The following ASCC3 variants were observed in gnomAD, a reference collection of about 807,000 sequenced individuals.
The protein encoded by ASCC3 is activating signal cointegrator 1 complex subunit 3, also known as ASC-1 complex subunit P200.
A neutral mutation model predicts 256.3 loss-of-function variants in ASCC3; 158 were observed. The observed-to-expected ratio is 0.62, with a 90% confidence interval of 0.54 to 0.70. ASCC3 has a LOEUF of 0.70. ASCC3 is among the 30% of genes least tolerant of loss of function. The probability of loss-of-function intolerance (pLI) is 0.00; values close to 1 mark genes in which losing one functional copy is unlikely to be tolerated. For missense variants in ASCC3, 2,259 were observed against 2,626.0 expected (o/e 0.86, Z 3.05); for synonymous variants, 948 against 883.4 (o/e 1.07, Z -1.30).
chr6:100,764,541 A>T (rs1432038211), intron 10 of ASCC3, among the ~76,000 whole-genome samples: 2 of 152,230 alleles, frequency 1.3e-5, no homozygotes, highest in Non-Finnish European at 2.9e-5. Flanking sequence ...AAAGAATCTG[A>T]TGTCATATAT....
chr6:100,780,714 A>T (rs1351866275), intron 8 of ASCC3, among the ~76,000 whole-genome samples: 3 of 152,256 alleles, frequency 2.0e-5, no homozygotes, highest in Non-Finnish European at 2.9e-5. Context: ...GCATAAAAAC[A>T]AGGAAACAAG....
chr6:100,763,887 A>G (rs983061792), intron 10 of ASCC3, among the ~76,000 whole-genome samples: 2 of 152,172 alleles, frequency 1.3e-5, no homozygotes, highest in Non-Finnish European at 1.5e-5. Context: ...CAGGCAAAAT[A>G]CCTGTGTCTG....
At chr6:100,872,110 T>C (rs568223407) in intron 1 of ASCC3, among the ~76,000 whole-genome samples, 2 of 152,260 alleles carry the variant, frequency 1.3e-5, no homozygotes, top group South Asian at 4.1e-4. Context: ...AACCTACCTT[T>C]TACCACACAA....
At chr6:100,675,448 T>A (rs900624516) in intron 14 of ASCC3, among the ~76,000 whole-genome samples, 2 of 152,120 alleles carry the variant, frequency 1.3e-5, no homozygotes, top group African/African-American at 4.8e-5. Flanking sequence ...AAGCTGCTCA[T>A]GCAAAATTAA....
chr6:100,758,190 C>T (rs943033465), intron 10 of ASCC3, among the ~76,000 whole-genome samples: 1 of 152,156 alleles, frequency 6.6e-6, no homozygotes, highest in Non-Finnish European at 1.5e-5. Flanking sequence ...ATAGCAGATG[C>T]TAACTCTGAG....
intron 8 of ASCC3, among the ~76,000 whole-genome samples, chr6:100,769,643 C>CA (rs1781829824): frequency 6.6e-6 from 1 of 150,928 alleles, no homozygotes; most frequent in African/African-American, 2.4e-5. Flanking sequence ...ATCAATGAAA[C>CA]AAAAAACAGA....
intron 36 of ASCC3, among the ~76,000 whole-genome samples, chr6:100,576,809 A>AT (rs1182110802): frequency 6.6e-6 from 1 of 151,966 alleles, no homozygotes; most frequent in Non-Finnish European, 1.5e-5. Context: ...TTTTACTATC[A>AT]TTTAAGGATG....
chr6:100,549,032 C>T (rs930020889), intron 36 of ASCC3, among the ~76,000 whole-genome samples: 41 of 151,792 alleles, frequency 2.7e-4, no homozygotes, highest in African/African-American at 9.9e-4. Flanking sequence ...TGTCCTCTTT[C>T]TCTCTCAAAA....
At chr6:100,829,707 C>G (rs1399236140) in intron 4 of ASCC3, among the ~76,000 whole-genome samples, 1 of 152,162 alleles carries the variant, frequency 6.6e-6, no homozygotes, top group African/African-American at 2.4e-5. Flanking sequence ...GAGGAGGTGC[C>G]AAGAGCGAGC....
chr6:100,716,640 T>G (rs995641184), intron 12 of ASCC3, among the ~76,000 whole-genome samples: 1 of 151,972 alleles, frequency 6.6e-6, no homozygotes, highest in Admixed American at 6.6e-5. Flanking sequence ...TCCCAATAAC[T>G]TTTTCAGTGT....
intron 41 of ASCC3, 89 bp from the exon 42 acceptor site, chr6:100,509,622 T>C (rs928758744): frequency 6.9e-6 from 9 of 1,298,610 alleles, no homozygotes; most frequent in South Asian, 1.2e-5. Flanking sequence ...AGTAGGAGGC[T>C]GGGTGCGGTG....
rs1016612665 is a variant in ASCC3 at position 100,512,937 on chromosome 6, G to A, written c.6076-19C>T. On this transcript the variant is annotated intron_variant, in intron 39 of 41. Transcript: ENST00000369162. ...TCCATGCCTAAATAAAAAGAGAAAA[G>A]AAACAATAAAGGAGGAGTTTATGTG... 2.5e-6 allele frequency: 4 copies of A among 1,604,864 alleles called. No individual in the cohort carries two copies. In the African/African-American group the frequency reaches 5.4e-5, roughly 21 times the overall value.
Position 100,530,839 on chromosome 6 carries a change from G to A in ASCC3, c.5775+9324C>T, listed in dbSNP as rs1248432450. On this transcript the variant is annotated intron_variant, in intron 37 of 41. Transcript: ENST00000369162. ...GCCTACTGGAACTTAGTGCTTAATA[G>A]AAGATTTAAATTCTTAGACTTATGG... The A allele has an allele frequency of 4.8e-6, 6 of 1,245,790 alleles. No homozygotes were observed. In the Admixed American group the frequency reaches 1.0e-4, roughly 21 times the overall value. The allele number at this position is 1,245,790 out of a possible 1,614,324, so 77.2% of individuals were successfully genotyped here.
intron 17 of ASCC3, among the ~76,000 whole-genome samples, chr6:100,654,207 C>A (rs1445675116): frequency 6.6e-6 from 1 of 151,452 alleles, no homozygotes; most frequent in Non-Finnish European, 1.5e-5. Flanking sequence ...TATTACTAAA[C>A]CATCAAAAAT....
Position 100,868,001 on chromosome 6 carries a change from T to C in ASCC3, c.-4A>G, listed in dbSNP as rs1192995818. ...CTGTGAGACGAGGTAAAGCCATCTA[T>C]TATTCAATCAGTGATCCATACAGCA... On this transcript the variant is annotated 5_prime_UTR_variant, in exon 2 of 42. Transcript: ENST00000369162. The C allele has an allele frequency of 5.0e-6, 8 of 1,607,836 alleles. No homozygotes were observed. In the African/African-American group the frequency reaches 1.1e-4, roughly 21 times the overall value.
chr6:100,748,697 T>C (rs937180766), intron 10 of ASCC3, among the ~76,000 whole-genome samples: 4 of 152,052 alleles, frequency 2.6e-5, no homozygotes, highest in Non-Finnish European at 4.4e-5. Flanking sequence ...ATATATAAAT[T>C]AAATAATAAT....
chr6:100,577,533 T>A (rs1770936239), intron 36 of ASCC3, among the ~76,000 whole-genome samples: 1 of 152,096 alleles, frequency 6.6e-6, no homozygotes, highest in Non-Finnish European at 1.5e-5. Flanking sequence ...CTTCTCCATA[T>A]GGACGATTAA....
intron 36 of ASCC3, among the ~76,000 whole-genome samples, chr6:100,579,369 T>C (rs930116725): frequency 2.6e-5 from 4 of 152,114 alleles, no homozygotes; most frequent in Admixed American, 2.0e-4. Context: ...TGTCAACTTT[T>C]GTTTTTGTTG....
rs962552983 is a variant in ASCC3, at chr6:100,508,324, T to G, written c.*1062A>C. 2 of 152,232 alleles carry G rather than the reference T, an allele frequency of 1.3e-5. No homozygotes were observed. The highest frequency in any genetic ancestry group is 4.8e-5 in the African/African-American group (2 of 41,466). 9.4% of individuals were successfully genotyped at this position (152,232 alleles called of 1,614,324 possible). On this transcript the variant is annotated 3_prime_UTR_variant, in exon 42 of 42. Coordinates refer to ENST00000369162, the MANE Select transcript of ASCC3 (RefSeq NM_006828.4). Reference sequence around the variant, plus strand: ...GAAAATGTTTTAAAATAATTCATTTTAGGGCTAAGAAAACTGAAATTATTT... The same window carrying G: ...GAAAATGTTTTAAAATAATTCATTTGAGGGCTAAGAAAACTGAAATTATTT...
Sources: allele counts gnomAD v4.1 joint callset (sites outside exome capture counted in the v4.1 genomes callset), GRCh38; gene constraint gnomAD v4.1.1; transcripts MANE v1.5; gene names NCBI Gene and HGNC (gene_info 2026-07-23, HGNC 2026-07-21).